VGF: variants seen among roughly 807,000 people sequenced by gnomAD.
VGF encodes the protein VGF nerve growth factor inducible, also known as neurosecretory protein VGF.
A neutral mutation model predicts 41.1 loss-of-function variants in VGF; 13 were observed. The ratio of observed to expected loss-of-function variants is 0.32; its 90% CI spans 0.21 to 0.50. The LOEUF (loss-of-function observed/expected upper bound fraction) is 0.50. Among genes scored for constraint, VGF ranks in the 20% least tolerant of loss-of-function variants. The probability of loss-of-function intolerance (pLI) is 0.98; values close to 1 mark genes in which losing one functional copy is unlikely to be tolerated. For synonymous variants in VGF, 473 were observed against 418.3 expected, an observed-to-expected ratio of 1.13 and a Z score of -1.60; for missense variants, 920 against 882.1, an observed-to-expected ratio of 1.04 and a Z score of -0.54.
chr7:101,166,515 T>TG (rs61657049), upstream of VGF, among the ~76,000 whole-genome samples: 36,736 of 131,962 alleles, frequency 0.28, 5,907 homozygotes, highest in East Asian at 0.47. Flanking sequence ...GTTGCGCAGG[T>TG]GGGGGGGGGG....
In VGF at chr7:101,163,327, G is replaced by A. The variant is rs760225181; in HGVS notation, c.1517C>T (p.Pro506Leu). The A allele has an allele frequency of 2.1e-6, 3 of 1,426,920 alleles. No homozygotes were observed. The highest frequency in any genetic ancestry group is 2.8e-5 in the South Asian group (2 of 71,062). The allele number at this position is 1,426,920 out of a possible 1,614,324, so 88.4% of individuals were successfully genotyped here. A position where few individuals can be genotyped will look rare whatever the true frequency, so the allele number is the denominator to read the frequency against. ...AGCGGGGGCGGGGGGCGGGGGCTGC[G>A]GGGAGCGGACGTGGGTGGGGGCGGG... ...AAPAPTHVRS[P>L]QPPPPAPAPA... is the part of the protein sequence containing the mutation. Residue 506 changes from proline to leucine, a missense_variant, in exon 2 of 2, where the codon CCG (proline) becomes CTG (leucine). Coordinates refer to ENST00000249330, the MANE Select transcript of VGF (RefSeq NM_003378.4). The surrounding 1 kb of genome is among the most constrained non-coding windows in gnomAD (Gnocchi z 5.0).
upstream of VGF, among the ~76,000 whole-genome samples, chr7:101,166,439 T>C (rs1278076150): frequency 6.6e-6 from 1 of 151,444 alleles, no homozygotes; most frequent in Admixed American, 6.6e-5. Context: ...CCCAGTCGCT[T>C]TCCCTCCTGC....
Position 101,164,061 on chromosome 7 carries a change from T to C in VGF, c.783A>G (p.Ala261=), listed in dbSNP as rs1348639381. The C allele has an allele frequency of 6.7e-6, 10 of 1,498,288 alleles. No homozygotes were observed. The highest frequency in any genetic ancestry group is 1.4e-5 in the African/African-American group (1 of 71,186). The allele number at this position is 1,498,288 out of a possible 1,614,324, so 92.8% of individuals were successfully genotyped here. Residue 261 remains alanine, a synonymous_variant, in exon 2 of 2, where the codon GCA becomes GCG. Coordinates refer to ENST00000249330, the MANE Select transcript of VGF (RefSeq NM_003378.4). ...VSSPKTHLGE[A]LAPLSKAYQG... The stretch of plus-strand genomic sequence containing the variant: ...GGTACGCCTTGGACAGGGGTGCCAA[T>C]GCCTCGCCTAGGTGTGTTTTGGGGG...
Position 101,163,294 on chromosome 7 carries a change from C to G in VGF, c.1550G>C (p.Arg517Pro). The G allele has an allele frequency of 8.8e-7, 1 of 1,134,930 alleles. No homozygotes were observed. Among genetic ancestry groups the G allele is most frequent in the Non-Finnish European group, 1.1e-6 (1 of 899,504 alleles). 70.3% of individuals were successfully genotyped at this position (1,134,930 alleles called of 1,614,324 possible). A position where few individuals can be genotyped will look rare whatever the true frequency, so the allele number is the denominator to read the frequency against. Reference protein sequence around the residue: ...QPPPPAPAPARDELPDWNEVL... With the variant: ...QPPPPAPAPAPDELPDWNEVL... ...CTCGTTCCAGTCCGGCAGCTCGTCT[C>G]GTGCGGGAGCGGGGGCGGGGGGCGG... The change falls in exon 2 of 2, where the codon CGA becomes CCA. Residue 517 changes from arginine (R) to proline (P), a missense_variant. Coordinates refer to ENST00000249330, the MANE Select transcript of VGF (RefSeq NM_003378.4). This position sits in a 1 kb window ranked among gnomAD's most constrained non-coding sequence, Gnocchi z 5.0.
chr7:101,168,416 C>T (rs542482716), upstream of VGF, among the ~76,000 whole-genome samples: 106 of 152,288 alleles, frequency 7.0e-4, 1 homozygote, highest in East Asian at 4.6e-3. Flanking sequence ...ACACACTACT[C>T]GCCTCTACTG....
upstream of VGF, chr7:101,165,655 A>C: frequency 1.0e-6 from 1 of 985,280 alleles, no homozygotes; most frequent in Non-Finnish European, 1.2e-6. Flanking sequence ...GTCAATGTTC[A>C]TTCATGGGGA....
Position 101,163,831 on chromosome 7 carries a change from T to A in VGF, c.1013A>T (p.Gln338Leu), listed in dbSNP as rs1178295416. Reference sequence around the variant, plus strand: ...GAGGCCGCGCTGCCGGGCCCCGCCCTGCAGCAAATACTGGAGCAGCAGGTC... The same window carrying A: ...GAGGCCGCGCTGCCGGGCCCCGCCCAGCAGCAAATACTGGAGCAGCAGGTC... The part of the protein sequence containing the change: ...ASDLLLQYLL[Q>L]GGARQRGLGG... The change falls in exon 2 of 2, where the codon CAG (glutamine) becomes CTG (leucine). Residue 338 changes from glutamine to leucine, a missense_variant. Gln to Leu is a moderately radical substitution (Grantham distance 113). Around this residue, in one of 3 missense-constraint regions of VGF, gnomAD observed 654 missense variants for 638.4 expected, o/e 1.02. Transcript: ENST00000249330. The surrounding 1 kb of genome is among the most constrained non-coding windows in gnomAD (Gnocchi z 5.0). The A allele has an allele frequency of 6.5e-7, 1 of 1,529,428 alleles. No homozygotes were observed. Among genetic ancestry groups the A allele is most frequent in the Non-Finnish European group, 8.7e-7 (1 of 1,143,916 alleles). The allele number at this position is 1,529,428 out of a possible 1,614,324, so 94.7% of individuals were successfully genotyped here.
chr7:101,164,483 T>C lies in VGF; in HGVS notation c.361A>G (p.Ser121Gly), dbSNP rs776367894. The change falls in exon 2 of 2, where the codon AGC becomes GGC. Residue 121 changes from serine to glycine, a missense_variant. Transcript: ENST00000249330. ...GGCGCCGGGAGGCTGTGGGTCTGGC[T>C]GCGCACGGTCTCGGTCAGCAGAGCT... ...AEALLTETVR[S>G]QTHSLPAPES... is the part of the protein sequence containing the mutation. 1 of 1,602,046 alleles carries C rather than the reference T, an allele frequency of 6.2e-7. No homozygotes were observed. Among genetic ancestry groups the C allele is most frequent in the Non-Finnish European group, 8.5e-7 (1 of 1,178,952 alleles).
rs1309729291 is a variant in VGF, at chr7:101,164,615, C to T, written c.229G>A (p.Val77Met). ...ACCGCGGCCAGCGCCCGGGGATCCACGCCCTGGAAAAGCTCTCCCTCGTCC... is the reference window on the plus strand; with the variant it reads ...ACCGCGGCCAGCGCCCGGGGATCCATGCCCTGGAAAAGCTCTCCCTCGTCC... Reference protein sequence around the residue: ...PQDEGELFQGVDPRALAAVLL... With the variant: ...PQDEGELFQGMDPRALAAVLL... The change falls in exon 2 of 2, where the codon GTG becomes ATG. Residue 77 changes from valine (V) to methionine (M), a missense_variant. By Grantham distance (21) the Val-to-Met change is conservative. Around this residue, in one of 3 missense-constraint regions of VGF, gnomAD observed 654 missense variants for 638.4 expected, o/e 1.02. Transcript: ENST00000249330. 1 of 1,598,764 alleles carries T rather than the reference C, an allele frequency of 6.3e-7. No individual in the cohort carries two copies. The highest frequency in any genetic ancestry group is 8.5e-7 in the Non-Finnish European group (1 of 1,173,690).
Position 101,164,084 on chromosome 7 carries a change from G to A in VGF, c.760C>T (p.Pro254Ser). The change falls in exon 2 of 2, where the codon CCC becomes TCC. Residue 254 changes from proline to serine, a missense_variant. By Grantham distance (74) the Pro-to-Ser change is moderately conservative. Coordinates refer to ENST00000249330, the MANE Select transcript of VGF (RefSeq NM_003378.4). ...THKFGEGVSS[P>S]KTHLGEALAP... Reference sequence around the variant, plus strand: ...AATGCCTCGCCTAGGTGTGTTTTGGGGGAGGACACTCCTTCCCCGAACTTG... The same window carrying A: ...AATGCCTCGCCTAGGTGTGTTTTGGAGGAGGACACTCCTTCCCCGAACTTG... The A allele has an allele frequency of 6.7e-7, 1 of 1,500,288 alleles. No homozygotes were observed. The allele number at this position is 1,500,288 out of a possible 1,614,324, so 92.9% of individuals were successfully genotyped here.
chr7:101,166,653 T>A (rs1195291552), upstream of VGF, among the ~76,000 whole-genome samples: 1 of 143,726 alleles, frequency 7.0e-6, no homozygotes, highest in Non-Finnish European at 1.5e-5. Context: ...GCCAGAGAGG[T>A]TGGGGCTGGG....
In VGF at chr7:101,163,117, T is replaced by G. The variant is rs1272061532; in HGVS notation, c.1727A>C (p.Tyr576Ser). The G allele has an allele frequency of 3.2e-6, 5 of 1,582,936 alleles. No individual in the cohort carries two copies. The highest frequency in any genetic ancestry group is 2.3e-5 in the South Asian group (2 of 88,062). The stretch of plus-strand genomic sequence containing the variant: ...CCGCGCCTGGGCCTCCCGGCCGGGA[T>G]AGTGGCGCGAAGGCGGCAAGGCGTG... ...YHHALPPSRH[Y>S]PGREAQARRA... Residue 576 changes from tyrosine to serine, a missense_variant, in exon 2 of 2, where the codon TAT becomes TCT. Around this residue, in one of 3 missense-constraint regions of VGF, gnomAD observed 257 missense variants for 217.2 expected, o/e 1.18. Transcript: ENST00000249330. This position sits in a 1 kb window ranked among gnomAD's most constrained non-coding sequence, Gnocchi z 5.0.
Position 101,163,390 on chromosome 7 carries a change from T to G in VGF, c.1454A>C (p.Asn485Thr), listed in dbSNP as rs745661837. The G allele has an allele frequency of 6.3e-7, 1 of 1,596,140 alleles. No individual in the cohort carries two copies. Among genetic ancestry groups the G allele is most frequent in the Non-Finnish European group, 8.5e-7 (1 of 1,177,662 alleles). The change falls in exon 2 of 2, where the codon AAC (asparagine) becomes ACC (threonine). Residue 485 changes from asparagine (N) to threonine (T), a missense_variant. This residue lies in a region of VGF where 257 missense variants were observed against 217.2 expected (regional missense o/e 1.18). Transcript: ENST00000249330. The surrounding 1 kb of genome is among the most constrained non-coding windows in gnomAD (Gnocchi z 5.0). ...GGGCGGCACGGGCTCGGGAGGGGCG[T>G]TCTTCTTCCGCTTCCGCTTCTCCTC... ...EVEEKRKRKK[N>T]APPEPVPPPR...
upstream of VGF, among the ~76,000 whole-genome samples, chr7:101,165,786 AAATG>A (rs144873811): frequency 3.9e-5 from 6 of 152,088 alleles, no homozygotes; most frequent in African/African-American, 1.4e-4. Flanking sequence ...GAGCTCCGGG[AAATG>A]AATGAATGAA....
chr7:101,164,787 C>A lies in VGF; in HGVS notation c.57G>T (p.Gly19=). ...SALFCLLLIN[G]LGAAPPGRPE... is the part of the protein sequence containing the mutation. ...GGCGACCAGGGGGTGCTGCCCCTAACCCGTTGATCAGCAGAAGGCAGAAGA... is the reference window on the plus strand; with the variant it reads ...GGCGACCAGGGGGTGCTGCCCCTAAACCGTTGATCAGCAGAAGGCAGAAGA... Residue 19 remains glycine, a synonymous_variant, in exon 2 of 2, where the codon GGG becomes GGT. Coordinates refer to ENST00000249330, the MANE Select transcript of VGF (RefSeq NM_003378.4). 3.7e-6 allele frequency: 6 copies of A among 1,601,192 alleles called. No individual in the cohort carries two copies. Among genetic ancestry groups the A allele is most frequent in the Non-Finnish European group, 5.1e-6 (6 of 1,170,840 alleles).
chr7:101,163,096 G>A lies in VGF; in HGVS notation c.1748C>T (p.Ala583Val). The change falls in exon 2 of 2, where the codon GCG becomes GTG. Residue 583 changes from alanine (A) to valine (V), a missense_variant. Transcript: ENST00000249330. The surrounding 1 kb of genome is among the most constrained non-coding windows in gnomAD (Gnocchi z 5.0). ...SRHYPGREAQ[A>V]RRAQEEAEAE... is the part of the protein sequence containing the mutation. ...CTCCGCCTCCTCCTGCGCGCGCCGC[G>A]CCTGGGCCTCCCGGCCGGGATAGTG... The A allele has an allele frequency of 1.3e-6, 2 of 1,573,954 alleles. No individual in the cohort carries two copies. Among genetic ancestry groups the A allele is most frequent in the South Asian group, 1.1e-5 (1 of 86,998 alleles).
chr7:101,163,843 T>C lies in VGF; in HGVS notation c.1001A>G (p.Gln334Arg), dbSNP rs1336111673. The change falls in exon 2 of 2, where the codon CAG becomes CGG. Residue 334 changes from glutamine to arginine, a missense_variant. Physicochemically the swap from Gln to Arg is conservative, Grantham distance 43. Around this residue, in one of 3 missense-constraint regions of VGF, gnomAD observed 654 missense variants for 638.4 expected, o/e 1.02. Coordinates refer to ENST00000249330, the MANE Select transcript of VGF (RefSeq NM_003378.4). The surrounding 1 kb of genome is among the most constrained non-coding windows in gnomAD (Gnocchi z 5.0). ...LADLASDLLL[Q>R]YLLQGGARQR... ...CCGGGCCCCGCCCTGCAGCAAATAC[T>C]GGAGCAGCAGGTCCGAGGCGAGGTC... is the stretch of plus-strand genomic sequence containing the variant. The C allele has an allele frequency of 3.9e-6, 6 of 1,526,276 alleles. No individual in the cohort carries two copies. The highest frequency in any genetic ancestry group is 2.0e-5 in the Admixed American group (1 of 50,320). 94.5% of individuals were successfully genotyped at this position (1,526,276 alleles called of 1,614,324 possible). A position where few individuals can be genotyped will look rare whatever the true frequency, so the allele number is the denominator to read the frequency against.
chr7:101,164,497 G>A lies in VGF; in HGVS notation c.347C>T (p.Thr116Ile). Residue 116 changes from threonine to isoleucine, a missense_variant, in exon 2 of 2, where the codon ACC (threonine) becomes ATC (isoleucine). Around this residue, in one of 3 missense-constraint regions of VGF, gnomAD observed 654 missense variants for 638.4 expected, o/e 1.02. Coordinates refer to ENST00000249330, the MANE Select transcript of VGF (RefSeq NM_003378.4). ...PEEEAAEALL[T>I]ETVRSQTHSL... is the part of the protein sequence containing the mutation. The stretch of plus-strand genomic sequence containing the variant: ...GTGGGTCTGGCTGCGCACGGTCTCG[G>A]TCAGCAGAGCTTCAGCTGCTTCTTC... The A allele has an allele frequency of 2.5e-6, 4 of 1,601,190 alleles. No individual in the cohort carries two copies. Among genetic ancestry groups the A allele is most frequent in the Non-Finnish European group, 3.4e-6 (4 of 1,179,172 alleles).
At chr7:101,166,047 A>C (rs1797214020), upstream of VGF, among the ~76,000 whole-genome samples, 1 of 151,986 alleles carries the variant, frequency 6.6e-6, no homozygotes, top group African/African-American at 2.4e-5. Flanking sequence ...AATACTGGGG[A>C]GGGGAAGGAT....
Sources: gnomAD v4.1 joint callset for allele counts (sites outside exome capture counted in the v4.1 genomes callset) on GRCh38, gnomAD v4.1.1 for gene constraint, gnomAD v4.1.1 regional missense constraint, Gnocchi (gnomAD v3.1) non-coding constraint, MANE v1.5 for transcripts, NCBI Gene and HGNC (gene_info 2026-07-23, HGNC 2026-07-21) for gene names.